RPL12: variants seen among roughly 807,000 people sequenced by gnomAD.
RPL12 encodes the protein large ribosomal subunit protein uL11.
In RPL12, 10 loss-of-function variants were observed where a neutral mutation model predicts 24.5. The observed-to-expected ratio is 0.41, with a 90% CI of 0.25 to 0.69. The LOEUF (loss-of-function observed/expected upper bound fraction) is 0.69. Among genes scored for constraint, RPL12 ranks in the 30% least tolerant of loss-of-function variants. RPL12 has a pLI of 0.33. For missense variants in RPL12, 137 were observed against 205.3 expected (o/e 0.67, Z 2.03); for synonymous variants, 74 against 76.1 (o/e 0.97, Z 0.14).
At chr9:127,449,783 A>C in intron 2 of RPL12, 75 bp from the exon 3 acceptor site, 8 of 1,160,532 alleles carry the variant, frequency 6.9e-6, no homozygotes, top group South Asian at 1.2e-5. Context: ...ACCACTTCTC[A>C]CTTGGCAACA....
intron 4 of RPL12, 186 bp from the exon 5 acceptor site, chr9:127,448,609 C>G: frequency 1.3e-6 from 1 of 757,778 alleles, no homozygotes; most frequent in Non-Finnish European, 2.4e-6. Flanking sequence ...CCAACAGAGA[C>G]CTGGTCAGGT....
chr9:127,451,234 CG>C (rs1834303743), intron 1 of RPL12, 46 bp downstream of exon 1: 1 of 1,604,756 alleles, frequency 6.2e-7, no homozygotes, highest in Non-Finnish European at 8.5e-7. Context: ...GCGGCAGGGC[CG>C]AGGGATGCTC....
intron 3 of RPL12, 109 bp from the exon 4 acceptor site, chr9:127,449,471 G>C (rs1402740965): frequency 7.6e-7 from 1 of 1,310,820 alleles, no homozygotes; most frequent in Non-Finnish European, 1.1e-6. Context: ...CCCTAGGTCC[G>C]TACTCTTGAC....
chr9:127,449,172 AC>A, intron 4 of RPL12, 108 bp downstream of exon 4: 1 of 837,012 alleles, frequency 1.2e-6, no homozygotes, highest in South Asian at 1.6e-5. Flanking sequence ...CCATATCAAC[AC>A]CCAATACCCA....
chr9:127,450,811 G>A lies in RPL12; in HGVS notation c.38-7C>T. On this transcript the variant is annotated splice_polypyrimidine_tract_variant and splice_region_variant and intron_variant, in intron 1 of 6. Coordinates refer to ENST00000361436, the MANE Select transcript of RPL12 (RefSeq NM_000976.4). ...CCGGTGCACCTCAGGTATACTGGGG[G>A]AAAAGAAGAGTTAGTGTCTGTGCAG... 2 of 1,557,160 alleles carry A rather than the reference G, an allele frequency of 1.3e-6. No individual in the cohort carries two copies. Among genetic ancestry groups the A allele is most frequent in the Non-Finnish European group, 1.7e-6 (2 of 1,152,188 alleles).
At chr9:127,449,168 C>A in intron 4 of RPL12, 113 bp downstream of exon 4, 1 of 814,410 alleles carries the variant, frequency 1.2e-6, no homozygotes, top group South Asian at 1.6e-5. Context: ...CTAACCATAT[C>A]AACACCCAAT....
In RPL12 at chr9:127,450,776, G is replaced by C; in HGVS notation, c.66C>G (p.Val22=). The C allele has an allele frequency of 1.9e-6, 3 of 1,584,584 alleles. No homozygotes were observed. Among genetic ancestry groups the C allele is most frequent in the Non-Finnish European group, 2.6e-6 (3 of 1,166,830 alleles). The change falls in exon 2 of 7, where the codon GTC becomes GTG. Residue 22 remains valine (V), a synonymous_variant. Transcript: ENST00000361436. ...TGGGGGCCAGGGCAGAAGTGGCACC[G>C]ACTTCACCTCCGGTGCACCTCAGGT... is the stretch of plus-strand genomic sequence containing the variant. ...VVYLRCTGGE[V]GATSALAPKI...
intron 1 of RPL12, 176 bp from the exon 2 acceptor site, chr9:127,450,980 AGG>A: frequency 1.6e-6 from 1 of 640,000 alleles, no homozygotes; most frequent in Non-Finnish European, 2.7e-6. Flanking sequence ...CACACCGGGG[AGG>A]CGTGGAGAGA....
intron 5 of RPL12, 103 bp downstream of exon 5, chr9:127,448,234 C>T (rs539953081): frequency 4.5e-5 from 49 of 1,077,442 alleles, no homozygotes; most frequent in Admixed American, 5.4e-5. Context: ...AAAACTGCAC[C>T]CCATCTTGGG....
intron 3 of RPL12, 98 bp downstream of exon 3, chr9:127,449,511 TC>T (rs777820148): frequency 1.7e-4 from 219 of 1,325,788 alleles, no homozygotes; most frequent in South Asian, 2.8e-4. Flanking sequence ...GAAATCACTC[TC>T]GGCTCACCAC....
intron 2 of RPL12, 44 bp from the exon 3 acceptor site, chr9:127,449,752 C>T (rs757631013): frequency 2.0e-6 from 3 of 1,512,222 alleles, no homozygotes; most frequent in Non-Finnish European, 1.8e-6. Flanking sequence ...CAGAGGTGAA[C>T]CACAGCCTTG....
At position 127,449,298 on chromosome 9, in the gene RPL12, C is replaced by T; in HGVS notation, c.275G>A (p.Arg92Lys). The change falls in exon 4 of 7, where the codon AGA becomes AAA. Residue 92 changes from arginine (R) to lysine (K), a missense_variant. Physicochemically the swap from Arg to Lys is conservative, Grantham distance 26. Transcript: ENST00000361436. The stretch of plus-strand genomic sequence containing the variant: ...CAACTTACTGTTTTTCTGTTTCTTT[C>T]TGTCTCTTGGTGGTTCCTTGAGGGC... ...IKALKEPPRD[R>K]KKQKNIKHSG... 6.2e-7 allele frequency: 1 copy of T among 1,612,948 alleles called. No homozygotes were observed. Among genetic ancestry groups the T allele is most frequent in the Non-Finnish European group, 8.5e-7 (1 of 1,179,932 alleles).
At chr9:127,450,943 C>CG in intron 1 of RPL12, 139 bp from the exon 2 acceptor site, 1 of 724,478 alleles carries the variant, frequency 1.4e-6, no homozygotes, top group Non-Finnish European at 2.3e-6. Flanking sequence ...ACCCGCTCCT[C>CG]CCTCGGGTGT....
In RPL12 at chr9:127,450,764, A is replaced by G; in HGVS notation, c.78T>C (p.Ser26=). ...RCTGGEVGAT[S]ALAPKIGPLG... ...GGGGGCCGATCTTGGGGGCCAGGGC[A>G]GAAGTGGCACCGACTTCACCTCCGG... is the stretch of plus-strand genomic sequence containing the variant. The change falls in exon 2 of 7, where the codon TCT becomes TCC. Residue 26 remains serine, a synonymous_variant. Transcript: ENST00000361436. The G allele has an allele frequency of 6.3e-7, 1 of 1,585,650 alleles. No individual in the cohort carries two copies. Among genetic ancestry groups the G allele is most frequent in the Non-Finnish European group, 8.6e-7 (1 of 1,167,506 alleles).
chr9:127,450,064 G>A (rs1834251899), intron 2 of RPL12: 1 of 232,956 alleles, frequency 4.3e-6, no homozygotes, highest in Non-Finnish European at 8.6e-6. Context: ...CTGATTATTT[G>A]CTACTCTGAA....
chr9:127,450,836 GA>G, intron 1 of RPL12, 32 bp from the exon 2 acceptor site: 1 of 1,475,430 alleles, frequency 6.8e-7, no homozygotes, highest in Non-Finnish European at 9.2e-7. Context: ...TGTCTGTGCA[GA>G]GGGAGCCCCG....
rs368203483 is a variant in RPL12 at position 127,450,823 on chromosome 9, T to C, written c.38-19A>G. Reference sequence around the variant, plus strand: ...AGGTATACTGGGGGAAAAGAAGAGTTAGTGTCTGTGCAGAGGGAGCCCCGA... The same window carrying C: ...AGGTATACTGGGGGAAAAGAAGAGTCAGTGTCTGTGCAGAGGGAGCCCCGA... On this transcript the variant is annotated intron_variant, in intron 1 of 6. Coordinates refer to ENST00000361436, the MANE Select transcript of RPL12 (RefSeq NM_000976.4). 2,993 of 1,541,962 alleles carry C rather than the reference T, an allele frequency of 1.9e-3. 3 individuals are homozygous for C. The highest frequency in any genetic ancestry group is 2.7e-3 in the Middle Eastern group (12 of 4,496).
chr9:127,451,386 T>C lies in RPL12; in HGVS notation c.-69A>G. 3 of 1,591,260 alleles carry C rather than the reference T, an allele frequency of 1.9e-6. No homozygotes were observed. Among genetic ancestry groups the C allele is most frequent in the Admixed American group, 1.7e-5 (1 of 58,204 alleles). ...CGAAGGAAGTTGCACCTTGGCCTCC[T>C]CCGAGCCGAAAGCCGAGAGGCCGGA... On this transcript the variant is annotated 5_prime_UTR_variant, in exon 1 of 7. Coordinates refer to ENST00000361436, the MANE Select transcript of RPL12 (RefSeq NM_000976.4).
intron 1 of RPL12, chr9:127,451,035 G>A (rs1834294858): frequency 6.2e-6 from 4 of 646,380 alleles, no homozygotes; most frequent in Non-Finnish European, 1.0e-5. Flanking sequence ...CGAAACGCCC[G>A]GAGACAAGCC....
Sources: gnomAD v4.1 joint callset for allele counts on GRCh38, gnomAD v4.1.1 for gene constraint, MANE v1.5 for transcripts, NCBI Gene and HGNC (gene_info 2026-07-23, HGNC 2026-07-21) for gene names.